Variants in STAU1 observed in about 807,000 individuals in gnomAD.
STAU1 encodes double-stranded RNA-binding protein Staufen homolog 1.
Under a neutral mutation model 62.9 loss-of-function variants are expected in STAU1, and 13 were observed. The ratio of observed to expected loss-of-function variants is 0.21; its 90% CI spans 0.13 to 0.33. STAU1 has a LOEUF of 0.33. Among genes scored for constraint, STAU1 ranks in the 10% least tolerant of loss-of-function variants. The probability of loss-of-function intolerance (pLI) is 1.00; values close to 1 mark genes in which losing one functional copy is unlikely to be tolerated. For synonymous variants in STAU1, 269 were observed against 265.1 expected (o/e 1.01, Z -0.14); for missense variants, 571 against 712.1 (o/e 0.80, Z 2.25).
chr20:49,183,366 T>A (rs986157806), intron 1 of STAU1, among the ~76,000 whole-genome samples: 2 of 152,170 alleles, frequency 1.3e-5, no homozygotes, highest in African/African-American at 4.8e-5. Flanking sequence ...GAAGATCCAA[T>A]TTAGAGGCTC....
intron 1 of STAU1, among the ~76,000 whole-genome samples, chr20:49,175,247 C>G (rs2093644777): frequency 6.6e-6 from 1 of 151,524 alleles, no homozygotes; most frequent in Non-Finnish European, 1.5e-5. Flanking sequence ...ACAAAAATGG[C>G]TTGAATGCAG....
chr20:49,126,588 C>CAAAAAAAAAAAACAAAAAAAAAAAAA lies in STAU1; in HGVS notation c.610-2002_610-2001insTTTTTTTTTTTTTGTTTTTTTTTTTT. On this transcript the variant is annotated intron_variant, in intron 6 of 13. Transcript: ENST00000371856. ...GTCTCAAAAAGCAAAAAAAAAAAAA[C>CAAAAAAAAAAAACAAAAAAAAAAAAA]AAAAAAAAAACAAAAAAACTTAAAA... Among the ~76,000 whole-genome samples the CAAAAAAAAAAAACAAAAAAAAAAAAA allele has an allele frequency of 7.8e-4, 44 of 56,352 alleles. 1 individual carries two copies. The highest frequency in any genetic ancestry group is 1.2e-3 in the East Asian group (3 of 2,542). 37.0% of individuals were successfully genotyped at this position (56,352 alleles called of 152,430 possible).
intron 6 of STAU1, among the ~76,000 whole-genome samples, chr20:49,135,376 G>A (rs1006322854): frequency 6.6e-5 from 10 of 152,162 alleles, no homozygotes; most frequent in African/African-American, 2.2e-4. Flanking sequence ...TAGAACACAA[G>A]GTCTCAACAA....
chr20:49,209,253 GAA>G, the STAU1 span, among the ~76,000 whole-genome samples: 32 of 126,972 alleles, frequency 2.5e-4, no homozygotes, highest in East Asian at 4.2e-4. Flanking sequence ...TATCTAAAAA[GAA>G]AAAAAAAAAA....
intron 1 of STAU1, 76 bp from the exon 2 acceptor site, chr20:49,174,345 T>G (rs191485831): frequency 1.3e-5 from 2 of 152,334 alleles, no homozygotes; most frequent in African/African-American, 4.8e-5. Flanking sequence ...GCTCAAGTTT[T>G]GGGGAAACCT....
At chr20:49,210,121 G>C in the STAU1 span, among the ~76,000 whole-genome samples, 1 of 152,074 alleles carries the variant, frequency 6.6e-6, no homozygotes, top group African/African-American at 2.4e-5. Flanking sequence ...ACTTATCTCT[G>C]ATTGGTGTGG....
chr20:49,123,485 G>A (rs538789340), intron 7 of STAU1, among the ~76,000 whole-genome samples: 13 of 152,228 alleles, frequency 8.5e-5, no homozygotes, highest in African/African-American at 2.9e-4. Flanking sequence ...CTATGACTGC[G>A]ACGGCTGTTT....
the STAU1 span, among the ~76,000 whole-genome samples, chr20:49,215,682 C>A: frequency 1.3e-5 from 2 of 152,062 alleles, no homozygotes; most frequent in Admixed American, 6.6e-5. Flanking sequence ...GTAACATTCA[C>A]CTTGAGTCTC....
chr20:49,180,981 G>C (rs2093717781), intron 1 of STAU1, among the ~76,000 whole-genome samples: 1 of 152,142 alleles, frequency 6.6e-6, no homozygotes, highest in African/African-American at 2.4e-5. Flanking sequence ...TCAGTGGAAA[G>C]AACACTGACT....
chr20:49,181,672 A>G (rs1462804770), intron 1 of STAU1, among the ~76,000 whole-genome samples: 1 of 146,312 alleles, frequency 6.8e-6, no homozygotes. Flanking sequence ...AGGCTAAGGC[A>G]GGAGAATTGC....
Position 49,117,666 on chromosome 20 carries a change from G to A in STAU1, c.1509+111C>T. On this transcript the variant is annotated intron_variant, in intron 11 of 13. Coordinates refer to ENST00000371856, the MANE Select transcript of STAU1 (RefSeq NM_017453.4). The surrounding 1 kb of genome is among the most constrained non-coding windows in gnomAD (Gnocchi z 4.6). ...ATCACTGCTCCCCAGCCCATCCCTG[G>A]ACAGAACTTGATTTAAGAAAAAAGT... The A allele has an allele frequency of 3.4e-6, 4 of 1,160,802 alleles. No homozygotes were observed. Among genetic ancestry groups the A allele is most frequent in the South Asian group, 1.6e-5 (1 of 63,494 alleles). The allele number at this position is 1,160,802 out of a possible 1,614,324, so 71.9% of individuals were successfully genotyped here.
intron 6 of STAU1, among the ~76,000 whole-genome samples, chr20:49,132,988 A>G: frequency 6.6e-6 from 1 of 152,234 alleles, no homozygotes; most frequent in South Asian, 2.1e-4. Context: ...CTTGCTCAAC[A>G]TAATAATGCA....
At chr20:49,207,088 G>A in the STAU1 span, among the ~76,000 whole-genome samples, 1 of 152,064 alleles carries the variant, frequency 6.6e-6, no homozygotes, top group Admixed American at 6.6e-5. Flanking sequence ...GCTAGGCACG[G>A]TGGTGCATGT....
intron 2 of STAU1, among the ~76,000 whole-genome samples, chr20:49,169,161 G>C (rs1358416926): frequency 3.3e-5 from 5 of 151,948 alleles, no homozygotes; most frequent in Non-Finnish European, 7.4e-5. Context: ...TGCTGGCCAG[G>C]CTGATCTTGA....
rs369824387 is a variant in STAU1 at position 49,159,811 on chromosome 20, C to T, written c.206-5740G>A. Reference sequence around the variant, plus strand: ...TCCTGACCTCAAGTGATCTGTCGGCCTTGGCCTTCCAAAGTGCTGTGAATA... The same window carrying T: ...TCCTGACCTCAAGTGATCTGTCGGCTTTGGCCTTCCAAAGTGCTGTGAATA... On this transcript the variant is annotated intron_variant, in intron 3 of 13. Coordinates refer to ENST00000371856, the MANE Select transcript of STAU1 (RefSeq NM_017453.4). 9.8e-5 allele frequency among the ~76,000 whole-genome samples: 15 copies of T among 152,340 alleles called. 1 individual carries two copies. The highest frequency in any genetic ancestry group is 8.3e-4 in the South Asian group (4 of 4,828).
At chr20:49,195,925 G>GAAAAAAAAAAA in the STAU1 span, among the ~76,000 whole-genome samples, 1 of 93,722 alleles carries the variant, frequency 1.1e-5, no homozygotes, top group Non-Finnish European at 2.0e-5. Flanking sequence ...AAAGAAAAAA[G>GAAAAAAAAAAA]AAAAAAAAAA....
At chr20:49,129,280 ATTT>A (rs71184264) in intron 6 of STAU1, among the ~76,000 whole-genome samples, 51 of 87,956 alleles carry the variant, frequency 5.8e-4, no homozygotes, top group African/African-American at 2.2e-3. Flanking sequence ...TTAAAAAAAA[ATTT>A]TTTTTTTTTT....
chr20:49,199,300 G>A, the STAU1 span, among the ~76,000 whole-genome samples: 1 of 150,904 alleles, frequency 6.6e-6, no homozygotes, highest in South Asian at 2.1e-4. Flanking sequence ...GCGCGATCTC[G>A]GCTCACTGCA....
chr20:49,187,833 G>C (rs1490884757), intron 1 of STAU1, among the ~76,000 whole-genome samples: 1 of 140,874 alleles, frequency 7.1e-6, no homozygotes, highest in African/African-American at 2.5e-5. Flanking sequence ...CCCCGCGCGC[G>C]CCATGCGGGA....
Sources: gnomAD v4.1 joint callset for allele counts (sites outside exome capture counted in the v4.1 genomes callset) on GRCh38, gnomAD v4.1.1 for gene constraint, Gnocchi (gnomAD v3.1) non-coding constraint, MANE v1.5 for transcripts, NCBI Gene and HGNC (gene_info 2026-07-23, HGNC 2026-07-21) for gene names.